The following RP2 variants were observed in gnomAD, a reference collection of about 807,000 sequenced individuals.
RP2 encodes the protein protein XRP2.
RP2 carries 3 observed loss-of-function variants against 20.3 expected under a neutral mutation model. That is an observed-to-expected ratio of 0.15 (90% confidence interval 0.07 to 0.38). The LOEUF is 0.38. Among genes scored for constraint, RP2 ranks in the 10% least tolerant of loss-of-function variants. RP2 has a pLI of 1.00. For missense variants in RP2, 233 were observed against 268.5 expected, an observed-to-expected ratio of 0.87 and a Z score of 0.92; for synonymous variants, 75 against 94.8, an observed-to-expected ratio of 0.79 and a Z score of 1.22.
intron 1 of RP2, among the ~76,000 whole-genome samples, chrX:46,847,766 ATG>A (rs1271483653): frequency 0.035 from 2,130 of 60,066 alleles, 92 homozygotes; most frequent in African/African-American, 0.15. Flanking sequence ...ATATACACAC[ATG>A]TGTGTGTGTA....
intron 1 of RP2, among the ~76,000 whole-genome samples, chrX:46,843,299 G>A (rs1345026036): frequency 1.8e-5 from 2 of 111,323 alleles, no homozygotes; most frequent in East Asian, 2.8e-4. Flanking sequence ...GAGCCACCGC[G>A]ACTGGCCTAT....
In RP2 at chrX:46,853,726, G is replaced by A. The variant is rs28933687; in HGVS notation, c.353G>A (p.Arg118His). The A allele has an allele frequency of 8.3e-7, 1 of 1,211,951 alleles. No individual in the cohort carries two copies. Among genetic ancestry groups the A allele is most frequent in the Non-Finnish European group, 1.1e-6 (1 of 895,633 alleles). ...CKCTLACQQF[R>H]VRDCRKLEVF... is the part of the protein sequence containing the mutation. The stretch of plus-strand genomic sequence containing the variant: ...TGCACATTAGCCTGCCAACAATTTC[G>A]TGTGCGAGATTGTAGAAAGCTGGAA... The change falls in exon 2 of 5, where the codon CGT (arginine) becomes CAT (histidine). Residue 118 changes from arginine (R) to histidine (H), a missense_variant. Arg to His is a conservative substitution (Grantham distance 29, BLOSUM62 0). This residue lies in a region of RP2 where 38 missense variants were observed against 72.9 expected (regional missense o/e 0.52). Coordinates refer to ENST00000218340, the MANE Select transcript of RP2 (RefSeq NM_006915.3).
chrX:46,843,773 A>G (rs1420814977), intron 1 of RP2, among the ~76,000 whole-genome samples: 1 of 111,832 alleles, frequency 8.9e-6, no homozygotes, highest in African/African-American at 3.3e-5. Context: ...TTCTCGAATC[A>G]TCAATAGTAT....
chrX:46,878,933 A>T (rs1326356178), intron 4 of RP2, among the ~76,000 whole-genome samples: 1 of 109,606 alleles, frequency 9.1e-6, no homozygotes, highest in Non-Finnish European at 1.9e-5. Flanking sequence ...TAGTTTATTT[A>T]AAAATAACAG....
At chrX:46,854,177 A>G in intron 2 of RP2, 36 bp downstream of exon 2, 2 of 1,153,789 alleles carry the variant, frequency 1.7e-6, no homozygotes, top group East Asian at 3.0e-5. Context: ...TCATACACCT[A>G]GATTTAAAAA....
intron 1 of RP2, among the ~76,000 whole-genome samples, chrX:46,849,657 A>G (rs1205301580): frequency 1.8e-5 from 2 of 112,354 alleles, no homozygotes; most frequent in Admixed American, 9.5e-5. Context: ...CTAATTTTAT[A>G]CTACAGAACT....
At chrX:46,852,063 C>T (rs1924870795) in intron 1 of RP2, among the ~76,000 whole-genome samples, 1 of 110,990 alleles carries the variant, frequency 9.0e-6, no homozygotes, top group Admixed American at 9.6e-5. Flanking sequence ...ACAAAATTAG[C>T]CGGGTGTGGT....
At chrX:46,837,653 C>G (rs782237578) in intron 1 of RP2, among the ~76,000 whole-genome samples, 1 of 112,091 alleles carries the variant, frequency 8.9e-6, no homozygotes, top group African/African-American at 3.2e-5. Context: ...GCTTAATGTT[C>G]TGTGGCTGTT....
intron 3 of RP2, 110 bp downstream of exon 3, chrX:46,860,212 T>C: frequency 1.8e-6 from 1 of 567,698 alleles, no homozygotes; most frequent in Non-Finnish European, 3.0e-6. Context: ...TCTCATTTGT[T>C]CTTTGTTTTT....
At position 46,879,985 on chromosome X, in the gene RP2, A is replaced by T. The variant is rs1556328441; in HGVS notation, c.*216A>T. 1 of 274,532 alleles carries T rather than the reference A, an allele frequency of 3.6e-6. No homozygotes were observed. The highest frequency in any genetic ancestry group is 2.8e-5 in the African/African-American group (1 of 35,944). The allele number at this position is 274,532 out of a possible 1,213,427, so 22.6% of individuals were successfully genotyped here. A position where few individuals can be genotyped will look rare whatever the true frequency, so the allele number is the denominator to read the frequency against. On this transcript the variant is annotated 3_prime_UTR_variant, in exon 5 of 5. Transcript: ENST00000218340. ...GTTTTAATCAGCTTAAAAGCTATTT[A>T]ACCCATTTTAATAAGCTTGCAGTTT... is the stretch of plus-strand genomic sequence containing the variant.
chrX:46,855,711 C>A (rs1309743989), intron 2 of RP2, among the ~76,000 whole-genome samples: 5 of 110,766 alleles, frequency 4.5e-5, no homozygotes, highest in African/African-American at 1.6e-4. Flanking sequence ...AAGCAGTCCA[C>A]CCGCCTCGGC....
At chrX:46,864,079 AG>A (rs1728510834) in intron 3 of RP2, among the ~76,000 whole-genome samples, 4 of 110,911 alleles carry the variant, frequency 3.6e-5, no homozygotes, top group Admixed American at 2.9e-4. Context: ...TGGGAGGCTG[AG>A]GCAGGCGGAT....
intron 2 of RP2, among the ~76,000 whole-genome samples, chrX:46,857,072 A>G (rs1033220528): frequency 1.8e-5 from 2 of 111,759 alleles, no homozygotes; most frequent in South Asian, 7.3e-4. Flanking sequence ...TGCTAACTCT[A>G]TATTTGTTAA....
At chrX:46,847,272 C>T (rs186859169) in intron 1 of RP2, among the ~76,000 whole-genome samples, 1 of 110,702 alleles carries the variant, frequency 9.0e-6, no homozygotes, top group Admixed American at 9.7e-5. Flanking sequence ...GGATACAAGT[C>T]CCCTGTTATA....
intron 2 of RP2, among the ~76,000 whole-genome samples, chrX:46,856,915 G>A (rs782365365): frequency 8.9e-6 from 1 of 112,051 alleles, no homozygotes; most frequent in Non-Finnish European, 1.9e-5. Flanking sequence ...ATATTATATT[G>A]AGAGATTACA....
intron 1 of RP2, among the ~76,000 whole-genome samples, chrX:46,840,498 A>G (rs1556314653): frequency 8.9e-6 from 1 of 112,925 alleles, no homozygotes; most frequent in African/African-American, 3.2e-5. Flanking sequence ...TACAATTCTT[A>G]CACTGATGTG....
intron 4 of RP2, among the ~76,000 whole-genome samples, chrX:46,878,401 C>T (rs1304073717): frequency 9.2e-6 from 1 of 108,956 alleles, no homozygotes; most frequent in Non-Finnish European, 1.9e-5. Flanking sequence ...AAGAAATCAT[C>T]ACATGTAGGC....
chrX:46,848,744 C>G (rs1002321088), intron 1 of RP2, among the ~76,000 whole-genome samples: 3 of 109,455 alleles, frequency 2.7e-5, no homozygotes, highest in Non-Finnish European at 5.7e-5. Flanking sequence ...AAGAAATAGT[C>G]TAGGCCAGAC....
intron 1 of RP2, among the ~76,000 whole-genome samples, chrX:46,845,860 C>A (rs1479029271): frequency 1.8e-5 from 2 of 110,490 alleles, no homozygotes; most frequent in Non-Finnish European, 3.8e-5. Flanking sequence ...GCCTCCGGGG[C>A]TCAAGTGATC....
Sources: allele counts gnomAD v4.1 joint callset (sites outside exome capture counted in the v4.1 genomes callset), GRCh38; gene constraint gnomAD v4.1.1; regional missense constraint gnomAD v4.1.1; transcripts MANE v1.5; gene names NCBI Gene and HGNC (gene_info 2026-07-23, HGNC 2026-07-21).